SLC16A14: variants seen among roughly 807,000 people sequenced by gnomAD.
SLC16A14 encodes solute carrier family 16 member 14.
In SLC16A14, 14 loss-of-function variants were observed where a neutral mutation model predicts 35.8. That is an observed-to-expected ratio of 0.39 (90% CI 0.26 to 0.61). SLC16A14 has a LOEUF of 0.61. Ranked by LOEUF, SLC16A14 falls within the 20% of genes least tolerant of loss-of-function variation. The pLI is 0.51. For missense variants in SLC16A14, 533 were observed against 655.0 expected (o/e 0.81, Z 2.03); for synonymous variants, 248 against 258.9 (o/e 0.96, Z 0.40).
At chr2:230,048,944 A>AAC (rs1560475230) in intron 3 of SLC16A14, among the ~76,000 whole-genome samples, 24 of 19,154 alleles carry the variant, frequency 1.3e-3, no homozygotes, top group Admixed American at 6.6e-3. Context: ...AAAAAAAAAA[A>AAC]ACAAATGATT....
intron 1 of SLC16A14, chr2:230,066,622 G>GT: frequency 4.7e-6 from 2 of 428,428 alleles, no homozygotes; most frequent in Non-Finnish European, 9.1e-6. Flanking sequence ...AGCGTAGAAA[G>GT]TTTTACAAGC....
chr2:230,046,813 A>G lies in SLC16A14; in HGVS notation c.404-91T>C. ...AGCAAAGATCACCTGCATTTCCTTA[A>G]TTAGCATCTATTTATGCTTTTTATT... is the stretch of plus-strand genomic sequence containing the variant. On this transcript the variant is annotated intron_variant, in intron 3 of 4. Coordinates refer to ENST00000295190, the MANE Select transcript of SLC16A14 (RefSeq NM_152527.5). This position sits in a 1 kb window ranked among gnomAD's most constrained non-coding sequence, Gnocchi z 5.0. The G allele has an allele frequency of 1.5e-6, 2 of 1,364,590 alleles. No individual in the cohort carries two copies. Among genetic ancestry groups the G allele is most frequent in the Non-Finnish European group, 2.0e-6 (2 of 1,020,162 alleles). The allele number at this position is 1,364,590 out of a possible 1,614,324, so 84.5% of individuals were successfully genotyped here. A position where few individuals can be genotyped will look rare whatever the true frequency, so the allele number is the denominator to read the frequency against.
At chr2:230,051,320 T>G (rs948388784) in intron 2 of SLC16A14, among the ~76,000 whole-genome samples, 28 of 152,042 alleles carry the variant, frequency 1.8e-4, no homozygotes, top group Admixed American at 4.6e-4. Flanking sequence ...TGCTATCATG[T>G]CCTGCTAATT....
At position 230,068,268 on chromosome 2, in the gene SLC16A14, A is replaced by T. The variant is rs2077818615; in HGVS notation, c.-15+287T>A. On this transcript the variant is annotated intron_variant, in intron 1 of 4. Transcript: ENST00000295190. This position sits in a 1 kb window ranked among gnomAD's most constrained non-coding sequence, Gnocchi z 5.1. ...TCGCGGGGCCCCGGCCAGCTTGAGC[A>T]GCAAGGCGCGCGTCCCCAAGCTCCG... is the stretch of plus-strand genomic sequence containing the variant. 1.3e-5 allele frequency: 2 copies of T among 152,260 alleles called. No individual in the cohort carries two copies. The highest frequency in any genetic ancestry group is 4.8e-5 in the African/African-American group (2 of 41,458). 9.4% of individuals were successfully genotyped at this position (152,260 alleles called of 1,614,324 possible).
intron 3 of SLC16A14, among the ~76,000 whole-genome samples, chr2:230,047,596 C>A (rs1167496621): frequency 1.3e-5 from 2 of 152,200 alleles, no homozygotes; most frequent in African/African-American, 4.8e-5. Flanking sequence ...GGAGCCACTG[C>A]TCCTGGCCAA....
chr2:230,050,415 G>A (rs955027932), intron 2 of SLC16A14, among the ~76,000 whole-genome samples: 3 of 152,014 alleles, frequency 2.0e-5, no homozygotes, highest in African/African-American at 7.3e-5. Flanking sequence ...TCTTAAACCT[G>A]GCCTCAATTA....
intron 1 of SLC16A14, among the ~76,000 whole-genome samples, chr2:230,065,570 G>C (rs2077788572): frequency 6.6e-6 from 1 of 152,044 alleles, no homozygotes; most frequent in Non-Finnish European, 1.5e-5. Context: ...AGTTCTTTTG[G>C]ATCCTCAGGA....
Position 230,063,282 on chromosome 2 carries a change from C to T in SLC16A14, c.-14-3916G>A, listed in dbSNP as rs1347922045. Among the ~76,000 whole-genome samples the T allele has an allele frequency of 5.5e-5, 5 of 91,382 alleles. No homozygotes were observed. In the South Asian group the frequency reaches 2.2e-3, roughly 40 times the overall value. 60.0% of individuals were successfully genotyped at this position (91,382 alleles called of 152,430 possible). The stretch of plus-strand genomic sequence containing the variant: ...CTCCAGCCTGGGTTAAAGAGCGAAA[C>T]TCTGTCTCAAAAAAAAAAAAAAAAA... On this transcript the variant is annotated intron_variant, in intron 1 of 4. Coordinates refer to ENST00000295190, the MANE Select transcript of SLC16A14 (RefSeq NM_152527.5).
At chr2:230,065,088 A>C (rs2077782821) in intron 1 of SLC16A14, among the ~76,000 whole-genome samples, 1 of 152,198 alleles carries the variant, frequency 6.6e-6, no homozygotes, top group Non-Finnish European at 1.5e-5. Context: ...TTTCTAAATC[A>C]ATGATAAGAA....
chr2:230,054,202 C>T (rs183808373), intron 2 of SLC16A14, among the ~76,000 whole-genome samples: 36 of 152,056 alleles, frequency 2.4e-4, no homozygotes, highest in African/African-American at 8.7e-4. Context: ...ATTCCCCCAA[C>T]AATAGGGCAT....
intron 4 of SLC16A14, among the ~76,000 whole-genome samples, chr2:230,043,029 A>G (rs1176946922): frequency 1.3e-5 from 2 of 152,214 alleles, no homozygotes; most frequent in South Asian, 2.1e-4. Flanking sequence ...TGCTTAAACT[A>G]TCATTGTCAG....
intron 3 of SLC16A14, among the ~76,000 whole-genome samples, chr2:230,049,131 G>A (rs907172880): frequency 2.0e-5 from 3 of 150,574 alleles, no homozygotes; most frequent in Non-Finnish European, 3.0e-5. Context: ...GTGCAGTGGT[G>A]CAATCTTGGC....
At chr2:230,039,370 A>G in intron 4 of SLC16A14, among the ~76,000 whole-genome samples, 1 of 152,200 alleles carries the variant, frequency 6.6e-6, no homozygotes, top group South Asian at 2.1e-4. Context: ...AAAGTGTTCT[A>G]TCATCTTTTC....
At chr2:230,066,409 G>T (rs1317274544) in intron 1 of SLC16A14, among the ~76,000 whole-genome samples, 1 of 152,060 alleles carries the variant, frequency 6.6e-6, no homozygotes, top group Non-Finnish European at 1.5e-5. Flanking sequence ...AAGAAAATGG[G>T]AAGATTACGG....
intron 2 of SLC16A14, among the ~76,000 whole-genome samples, chr2:230,054,088 G>GA (rs1207455686): frequency 1.4e-5 from 2 of 146,364 alleles, no homozygotes; most frequent in Non-Finnish European, 2.9e-5. Flanking sequence ...GCCTGAGGTG[G>GA]GGGGGGAAGT....
rs1315000538 is a variant in SLC16A14, at chr2:230,038,212, G to A, written c.1382-681C>T. Among the ~76,000 whole-genome samples, 4 of 151,996 alleles carry A rather than the reference G, an allele frequency of 2.6e-5. No homozygotes were observed. Among genetic ancestry groups the A allele is most frequent in the African/African-American group, 9.7e-5 (4 of 41,396 alleles). On this transcript the variant is annotated intron_variant, in intron 4 of 4. Coordinates refer to ENST00000295190, the MANE Select transcript of SLC16A14 (RefSeq NM_152527.5). This position sits in a 1 kb window ranked among gnomAD's most constrained non-coding sequence, Gnocchi z 4.4. ...AATAATTTAATATTATAATCTAACA[G>A]CTTAATATAATAATCTTATTAGACA...
chr2:230,046,520 C>CA lies in SLC16A14; in HGVS notation c.605dup (p.Cys203ValfsTer14). 1.9e-6 allele frequency: 3 copies of CA among 1,614,242 alleles called. No individual in the cohort carries two copies. Among genetic ancestry groups the CA allele is most frequent in the Non-Finnish European group, 2.5e-6 (3 of 1,180,048 alleles). On this transcript the variant is annotated frameshift_variant, in exon 4 of 5. Coordinates refer to ENST00000295190, the MANE Select transcript of SLC16A14 (RefSeq NM_152527.5). LOFTEE classifies it high-confidence loss of function. The surrounding 1 kb of genome is among the most constrained non-coding windows in gnomAD (Gnocchi z 5.0). Reference sequence around the variant, plus strand: ...GCCTCATGAGCGCCCCACAAACACACAGGTTTAGGGAAACGGCACCTTGGA... The same window carrying CA: ...GCCTCATGAGCGCCCCACAAACACACAAGGTTTAGGGAAACGGCACCTTGGA...
intron 2 of SLC16A14, among the ~76,000 whole-genome samples, chr2:230,055,443 T>C (rs1039528482): frequency 2.0e-5 from 3 of 152,222 alleles, no homozygotes; most frequent in Admixed American, 1.3e-4. Flanking sequence ...TGTTATGTTA[T>C]GATTTCTGAA....
intron 2 of SLC16A14, among the ~76,000 whole-genome samples, chr2:230,052,674 G>A (rs2077671382): frequency 6.6e-6 from 1 of 151,718 alleles, no homozygotes; most frequent in South Asian, 2.1e-4. Flanking sequence ...ATGTCTGGAG[G>A]AATTTTATAA....
Sources: allele counts gnomAD v4.1 joint callset (sites outside exome capture counted in the v4.1 genomes callset), GRCh38; gene constraint gnomAD v4.1.1; non-coding constraint Gnocchi (gnomAD v3.1); transcripts MANE v1.5; gene names NCBI Gene and HGNC (gene_info 2026-07-23, HGNC 2026-07-21).